GABRA6: variants seen among roughly 807,000 people sequenced by gnomAD.
GABRA6 encodes gamma-aminobutyric acid type A receptor subunit alpha6, also known as gamma-aminobutyric acid receptor subunit alpha-6.
GABRA6 carries 45 observed loss-of-function variants against 47.3 expected under a neutral mutation model. The ratio of observed to expected loss-of-function variants is 0.95; its 90% CI spans 0.75 to 1.22. The LOEUF is 1.22. Ranked by LOEUF, GABRA6 falls within the 50% of genes most tolerant of loss-of-function variation. The probability of loss-of-function intolerance (pLI) is 0.00; values close to 1 mark genes in which losing one functional copy is unlikely to be tolerated. For synonymous variants in GABRA6, 219 were observed against 194.7 expected, an observed-to-expected ratio of 1.12 and a Z score of -1.04; for missense variants, 583 against 549.3, an observed-to-expected ratio of 1.06 and a Z score of -0.61.
intron 8 of GABRA6, among the ~76,000 whole-genome samples, chr5:161,701,244 A>G (rs1461142798): frequency 6.6e-6 from 1 of 152,202 alleles, no homozygotes; most frequent in African/African-American, 2.4e-5. Flanking sequence ...GACATGAAAC[A>G]TGCTTTGTGT....
chr5:161,689,922 C>T, intron 6 of GABRA6, 143 bp downstream of exon 6: 2 of 891,346 alleles, frequency 2.2e-6, no homozygotes, highest in East Asian at 2.6e-5. Context: ...TTCCTTAAAA[C>T]TGATTTTGCA....
rs969699491 is a variant in GABRA6 at position 161,701,945 on chromosome 5, C to T, written c.*172C>T. ...TGGGCAAAAAAGCAATAATCCTACT[C>T]CTCAAAATAGAAAGTTGAAGATTGC... On this transcript the variant is annotated 3_prime_UTR_variant, in exon 9 of 9. Transcript: ENST00000274545. 1.5e-6 allele frequency: 1 copy of T among 662,524 alleles called. No individual in the cohort carries two copies. Among genetic ancestry groups the T allele is most frequent in the Admixed American group, 2.8e-5 (1 of 35,646 alleles). 41.0% of individuals were successfully genotyped at this position (662,524 alleles called of 1,614,324 possible).
intron 3 of GABRA6, among the ~76,000 whole-genome samples, chr5:161,688,386 T>G (rs1426291694): frequency 1.3e-5 from 2 of 152,184 alleles, no homozygotes; most frequent in Admixed American, 1.3e-4. Context: ...CATACTTAAA[T>G]GATACCCTCT....
chr5:161,686,062 A>G, intron 1 of GABRA6, 35 bp downstream of exon 1: 1 of 1,600,950 alleles, frequency 6.2e-7, no homozygotes, highest in Non-Finnish European at 8.6e-7. Context: ...TTTTCTTTTT[A>G]TCTCAGAGGA....
At position 161,701,657 on chromosome 5, in the gene GABRA6, A is replaced by G. The variant is rs926170054; in HGVS notation, c.1246A>G (p.Lys416Glu). 16 of 1,614,058 alleles carry G rather than the reference A, an allele frequency of 9.9e-6. No homozygotes were observed. The Admixed American group carries it at 1.2e-4, about 12-fold the overall frequency. ...CTCGCCAGCCTTTGGAGGCACCAGT[A>G]AAATAGACCAGTATTCTCGAATTCT... ...PLSPAFGGTSKIDQYSRILFP... is the reference protein window; with the variant it reads ...PLSPAFGGTSEIDQYSRILFP... Residue 416 changes from lysine (K) to glutamate (E), a missense_variant, in exon 9 of 9, where the codon AAA becomes GAA. Coordinates refer to ENST00000274545, the MANE Select transcript of GABRA6 (RefSeq NM_000811.3).
At position 161,702,574 on chromosome 5, in the gene GABRA6, T is replaced by A. The variant is rs1036592522; in HGVS notation, c.*801T>A. Reference sequence around the variant, plus strand: ...CCACATTTCCAATTATAACACTAAATAAAACAACAATAAACATGGTTCTCT... The same window carrying A: ...CCACATTTCCAATTATAACACTAAAAAAAACAACAATAAACATGGTTCTCT... On this transcript the variant is annotated 3_prime_UTR_variant, in exon 9 of 9. Coordinates refer to ENST00000274545, the MANE Select transcript of GABRA6 (RefSeq NM_000811.3). 5 of 152,100 alleles carry A rather than the reference T, an allele frequency of 3.3e-5. No individual in the cohort carries two copies. Among genetic ancestry groups the A allele is most frequent in the African/African-American group, 1.2e-4 (5 of 41,434 alleles). The allele number at this position is 152,100 out of a possible 1,614,324, so 9.4% of individuals were successfully genotyped here. A position where few individuals can be genotyped will look rare whatever the true frequency, so the allele number is the denominator to read the frequency against.
In GABRA6 at chr5:161,686,264, G is replaced by A; in HGVS notation, c.73G>A (p.Gly25Ser). 6.2e-7 allele frequency: 1 copy of A among 1,613,932 alleles called. No individual in the cohort carries two copies. Among genetic ancestry groups the A allele is most frequent in the Non-Finnish European group, 8.5e-7 (1 of 1,179,838 alleles). The change falls in exon 2 of 9, where the codon GGC (glycine) becomes AGC (serine). Residue 25 changes from glycine to serine, a missense_variant. Gly to Ser is a moderately conservative substitution (Grantham distance 56, BLOSUM62 0). Coordinates refer to ENST00000274545, the MANE Select transcript of GABRA6 (RefSeq NM_000811.3). ...ENALGKLEVEGNFYSENVSRI... is the reference protein window; with the variant it reads ...ENALGKLEVESNFYSENVSRI... ...TGCCCTAGGGAAACTCGAAGTTGAA[G>A]GCAACTTCTACTCAGAAAACGTCAG... is the stretch of plus-strand genomic sequence containing the variant.
intron 8 of GABRA6, among the ~76,000 whole-genome samples, chr5:161,696,159 T>C (rs1420412321): frequency 6.6e-6 from 1 of 152,190 alleles, no homozygotes; most frequent in Non-Finnish European, 1.5e-5. Context: ...AGCCTGGCTC[T>C]GTGCTAGAAA....
chr5:161,686,647 C>G (rs1483736791), intron 2 of GABRA6, among the ~76,000 whole-genome samples: 1 of 152,164 alleles, frequency 6.6e-6, no homozygotes, highest in Admixed American at 6.5e-5. Flanking sequence ...TTTATTAGCA[C>G]TTTCCCATTA....
Position 161,689,703 on chromosome 5 carries a change from A to G in GABRA6, c.597A>G (p.Pro199=), listed in dbSNP as rs1188540049. 6.2e-7 allele frequency: 1 copy of G among 1,611,114 alleles called. No individual in the cohort carries two copies. Among genetic ancestry groups the G allele is most frequent in the East Asian group, 2.2e-5 (1 of 44,822 alleles). The change falls in exon 6 of 9, where the codon CCA becomes CCG. Residue 199 remains proline, a synonymous_variant. Coordinates refer to ENST00000274545, the MANE Select transcript of GABRA6 (RefSeq NM_000811.3). ...KKGPLYSVEV[P]EESSSLLQYD... ...GACCACTTTACTCAGTAGAAGTCCC[A>G]GAAGAATCTTCAAGCCTTCTCCAGT... is the stretch of plus-strand genomic sequence containing the variant.
chr5:161,701,517 A>T lies in GABRA6; in HGVS notation c.1106A>T (p.His369Leu). Residue 369 changes from histidine to leucine, a missense_variant, in exon 9 of 9, where the codon CAT becomes CTT. By Grantham distance (99) the His-to-Leu change is moderately conservative (BLOSUM62 -3). Transcript: ENST00000274545. ...EIVLHPDSKY[H>L]LKKRITSLSL... Reference sequence around the variant, plus strand: ...CCACAGCATCCTGACTCCAAATATCATCTGAAGAAAAGGATCACTTCTCTG... The same window carrying T: ...CCACAGCATCCTGACTCCAAATATCTTCTGAAGAAAAGGATCACTTCTCTG... 6.2e-7 allele frequency: 1 copy of T among 1,614,174 alleles called. No individual in the cohort carries two copies. The highest frequency in any genetic ancestry group is 8.5e-7 in the Non-Finnish European group (1 of 1,180,026).
At chr5:161,701,254 T>C (rs1486170829) in intron 8 of GABRA6, among the ~76,000 whole-genome samples, 1 of 152,200 alleles carries the variant, frequency 6.6e-6, no homozygotes, top group African/African-American at 2.4e-5. Context: ...ATGCTTTGTG[T>C]TGTTTGCTGA....
chr5:161,687,761 T>C (rs1277960105), intron 3 of GABRA6: 3 of 164,070 alleles, frequency 1.8e-5, no homozygotes, highest in African/African-American at 7.2e-5. Context: ...TTGGAGACTT[T>C]TTCATTTTCT....
In GABRA6 at chr5:161,686,315, G is replaced by C. The variant is rs1561723351; in HGVS notation, c.124G>C (p.Gly42Arg). ...VSRILDNLLE[G>R]YDNRLRPGFG... ...TCGGATCCTGGACAACTTGCTTGAA[G>C]GCTATGACAATCGGCTGCGGCCGGG... The change falls in exon 2 of 9, where the codon GGC becomes CGC. Residue 42 changes from glycine (G) to arginine (R), a missense_variant. Transcript: ENST00000274545. 1.9e-6 allele frequency: 3 copies of C among 1,614,038 alleles called. No homozygotes were observed. The highest frequency in any genetic ancestry group is 2.5e-6 in the Non-Finnish European group (3 of 1,179,918).
Position 161,688,986 on chromosome 5 carries a change from C to CT in GABRA6, c.264dup (p.Asp89Ter). ...GATGTTTTTTTCCGCCAGACCTGGACTGATGAGAGGTTGAAGTTTGGGGGG... is the reference window on the plus strand; with the variant it reads ...GATGTTTTTTTCCGCCAGACCTGGACTTGATGAGAGGTTGAAGTTTGGGGGG... On this transcript the variant is annotated frameshift_variant, in exon 4 of 9. Transcript: ENST00000274545. LOFTEE classifies it high-confidence loss of function. 6.2e-7 allele frequency: 1 copy of CT among 1,613,928 alleles called. No individual in the cohort carries two copies. Among genetic ancestry groups the CT allele is most frequent in the East Asian group, 2.2e-5 (1 of 44,864 alleles).
intron 8 of GABRA6, 43 bp downstream of exon 8, chr5:161,692,243 G>C (rs540538801): frequency 6.2e-7 from 1 of 1,613,074 alleles, no homozygotes; most frequent in African/African-American, 1.3e-5. Context: ...GTAGGAAAAA[G>C]CAGCCTAAAT....
chr5:161,701,173 G>C (rs1754973615), intron 8 of GABRA6, among the ~76,000 whole-genome samples: 1 of 152,086 alleles, frequency 6.6e-6, no homozygotes, highest in South Asian at 2.1e-4. Context: ...ACCAGGAGTG[G>C]CTAGGCCTCT....
At position 161,689,354 on chromosome 5, in the gene GABRA6, T is replaced by C. The variant is rs1441800483; in HGVS notation, c.529+18T>C. The C allele has an allele frequency of 6.3e-7, 1 of 1,599,424 alleles. No individual in the cohort carries two copies. Among genetic ancestry groups the C allele is most frequent in the South Asian group, 1.1e-5 (1 of 90,736 alleles). On this transcript the variant is annotated intron_variant, in intron 5 of 8. Transcript: ENST00000274545. ...TGGGAGCTGTAAGTTACAACAGGCT[T>C]CTGAGAGTCAAATAATACATCCAAA... is the stretch of plus-strand genomic sequence containing the variant.
rs1171217239 is a variant in GABRA6, at chr5:161,698,524, AT to A, written c.1087-2973del. Among the ~76,000 whole-genome samples the A allele has an allele frequency of 3.2e-4, 48 of 151,830 alleles. 1 individual carries two copies. Among genetic ancestry groups the A allele is most frequent in the African/African-American group, 7.0e-4 (29 of 41,178 alleles). On this transcript the variant is annotated intron_variant, in intron 8 of 8. Coordinates refer to ENST00000274545, the MANE Select transcript of GABRA6 (RefSeq NM_000811.3). ...AGCTAAGATTCCTGAGCAAAAAAAT[AT>A]GTACATATGTATATGTGTATATATA... is the stretch of plus-strand genomic sequence containing the variant.
Sources: allele counts gnomAD v4.1 joint callset (sites outside exome capture counted in the v4.1 genomes callset), GRCh38; gene constraint gnomAD v4.1.1; transcripts MANE v1.5; gene names NCBI Gene and HGNC (gene_info 2026-07-23, HGNC 2026-07-21).